JMY: variants seen among roughly 807,000 people sequenced by gnomAD.
JMY encodes the protein junction mediating and regulatory protein, p53 cofactor, also known as junction-mediating and -regulatory protein.
JMY carries 46 observed loss-of-function variants against 103.3 expected under a neutral mutation model. The ratio of observed to expected loss-of-function variants is 0.45; its 90% CI spans 0.35 to 0.57. JMY has a LOEUF of 0.57. JMY is among the 20% of genes least tolerant of loss of function. JMY has a pLI of 0.00. For synonymous variants in JMY, 526 were observed against 489.3 expected (o/e 1.07, Z -0.99); for missense variants, 1,238 against 1,255.2 (o/e 0.99, Z 0.21).
At chr5:79,264,254 T>C (rs1745513322) in intron 1 of JMY, among the ~76,000 whole-genome samples, 1 of 134,304 alleles carries the variant, frequency 7.4e-6, no homozygotes, top group Non-Finnish European at 1.7e-5. Context: ...CCTGGCTAAT[T>C]TTTTGTGTTT....
intron 7 of JMY, among the ~76,000 whole-genome samples, chr5:79,309,417 C>G (rs1476426806): frequency 6.6e-6 from 1 of 152,044 alleles, no homozygotes; most frequent in Admixed American, 6.6e-5. Context: ...CATTAGAAAC[C>G]TTCTCCTACT....
chr5:79,326,994 A>T lies in JMY; in HGVS notation c.*5392A>T, dbSNP rs922730591. On this transcript the variant is annotated 3_prime_UTR_variant, in exon 11 of 11. Coordinates refer to ENST00000396137, the MANE Select transcript of JMY (RefSeq NM_152405.5). ...CATGAAATCTCCAGTAATCGTTTTG[A>T]CTGTTGCCTTTTGCTCTTTAGTGCA... 3 of 152,204 alleles carry T rather than the reference A, an allele frequency of 2.0e-5. No individual in the cohort carries two copies. Among genetic ancestry groups the T allele is most frequent in the Admixed American group, 2.0e-4 (3 of 15,284 alleles). The allele number at this position is 152,204 out of a possible 1,614,324, so 9.4% of individuals were successfully genotyped here.
At chr5:79,270,057 G>T (rs561447720) in intron 1 of JMY, among the ~76,000 whole-genome samples, 1 of 151,958 alleles carries the variant, frequency 6.6e-6, no homozygotes, top group Non-Finnish European at 1.5e-5. Flanking sequence ...GTGTGTGTAC[G>T]TGAGTTCATT....
Position 79,264,645 on chromosome 5 carries a change from T to G in JMY, c.1033-13265T>G, listed in dbSNP as rs373999222. Among the ~76,000 whole-genome samples, 9 of 152,210 alleles carry G rather than the reference T, an allele frequency of 5.9e-5. No individual in the cohort carries two copies. The East Asian group carries it at 9.6e-4, about 16-fold the overall frequency. Reference sequence around the variant, plus strand: ...AAGGCCAACTTTGTTGAATGACCCATGCACTGGAGATAAGACCCTGGCCAA... The same window carrying G: ...AAGGCCAACTTTGTTGAATGACCCAGGCACTGGAGATAAGACCCTGGCCAA... On this transcript the variant is annotated intron_variant, in intron 1 of 10. Transcript: ENST00000396137.
intron 7 of JMY, among the ~76,000 whole-genome samples, chr5:79,312,192 A>C (rs1176446162): frequency 6.6e-6 from 1 of 152,134 alleles, no homozygotes; most frequent in Non-Finnish European, 1.5e-5. Context: ...TTTTACACTA[A>C]AACTGTGTAT....
In JMY at chr5:79,300,767, G is replaced by A. The variant is rs745504604; in HGVS notation, c.1785G>A (p.Gln595=). ...KEEMAASAYL[Q]REELQKLQQK... ...AGATGGCAGCATCTGCGTACTTACA[G>A]AGAGAAGAGCTGCAGAAACTTCAGC... Residue 595 remains glutamine (Q), a synonymous_variant, in exon 6 of 11, where the codon CAG becomes CAA. Coordinates refer to ENST00000396137, the MANE Select transcript of JMY (RefSeq NM_152405.5). 4.3e-6 allele frequency: 7 copies of A among 1,612,638 alleles called. No individual in the cohort carries two copies. The highest frequency in any genetic ancestry group is 5.9e-6 in the Non-Finnish European group (7 of 1,179,512).
At chr5:79,270,366 TATATTTACATAA>T (rs1381974004) in intron 1 of JMY, among the ~76,000 whole-genome samples, 20 of 137,724 alleles carry the variant, frequency 1.5e-4, no homozygotes, top group South Asian at 6.6e-4. Flanking sequence ...ATTTAAAATG[TATATTTACATAA>T]ATATTTACAT....
chr5:79,303,218 A>G (rs1485897840), intron 6 of JMY, among the ~76,000 whole-genome samples: 1 of 152,164 alleles, frequency 6.6e-6, no homozygotes. Context: ...CATACTGAGC[A>G]GGTGATTTTT....
At chr5:79,259,629 G>C (rs1345323602) in intron 1 of JMY, among the ~76,000 whole-genome samples, 3 of 152,230 alleles carry the variant, frequency 2.0e-5, no homozygotes, top group Admixed American at 6.5e-5. Flanking sequence ...GTGCTCATTG[G>C]TGCCCAAAGT....
chr5:79,264,981 G>A (rs1160901480), intron 1 of JMY, among the ~76,000 whole-genome samples: 2 of 152,114 alleles, frequency 1.3e-5, no homozygotes, highest in African/African-American at 4.8e-5. Flanking sequence ...GGAGTGAGTG[G>A]CACGATCTTG....
At chr5:79,287,414 T>A (rs1746299446) in intron 2 of JMY, among the ~76,000 whole-genome samples, 2 of 152,186 alleles carry the variant, frequency 1.3e-5, no homozygotes, top group African/African-American at 4.8e-5. Context: ...GGAACTAGCT[T>A]AAGGTTTTAG....
intron 6 of JMY, among the ~76,000 whole-genome samples, chr5:79,302,987 A>G (rs754292517): frequency 3.9e-5 from 6 of 152,160 alleles, no homozygotes; most frequent in Non-Finnish European, 8.8e-5. Context: ...GCCATTCTCT[A>G]TCAACCCTCT....
rs552509808 is a variant in JMY, at chr5:79,290,258, T to C, written c.1344T>C (p.Ala448=). The change falls in exon 3 of 11, where the codon GCT becomes GCC. Residue 448 remains alanine (A), a synonymous_variant. Coordinates refer to ENST00000396137, the MANE Select transcript of JMY (RefSeq NM_152405.5). The part of the protein sequence containing the change: ...DLTVKYFEIT[A]KAQKAVYDRM... ...CTGTCAAGTACTTTGAAATAACAGCTAAAGCTCAAAAAGGTAGGTTTCTCA... is the reference window on the plus strand; with the variant it reads ...CTGTCAAGTACTTTGAAATAACAGCCAAAGCTCAAAAAGGTAGGTTTCTCA... The C allele has an allele frequency of 6.7e-7, 1 of 1,489,568 alleles. No individual in the cohort carries two copies. The allele number at this position is 1,489,568 out of a possible 1,614,324, so 92.3% of individuals were successfully genotyped here.
chr5:79,256,294 G>A (rs1745240176), intron 1 of JMY, among the ~76,000 whole-genome samples: 1 of 152,160 alleles, frequency 6.6e-6, no homozygotes, highest in Non-Finnish European at 1.5e-5. Context: ...AATGTTGCCT[G>A]GCCTGGGACT....
chr5:79,318,778 AGAGAGAGAGAGAGAGAGAGAGAGAGG>A (rs1389934938), intron 10 of JMY, among the ~76,000 whole-genome samples: 60 of 27,192 alleles, frequency 2.2e-3, no homozygotes, highest in African/African-American at 8.1e-3. Flanking sequence ...AGAGAGAGAG[AGAGAGAGAGAGAGAGAGAGAGAGAGG>A]GATGCATATC....
rs549512297 is a variant in JMY at position 79,309,227 on chromosome 5, C to T, written c.1968+2766C>T. The stretch of plus-strand genomic sequence containing the variant: ...GGGACATCTTTGTCTTGTTCCTGAT[C>T]TTAGCAAGAAAGCTCTAGTTTCTCA... On this transcript the variant is annotated intron_variant, in intron 7 of 10. Coordinates refer to ENST00000396137, the MANE Select transcript of JMY (RefSeq NM_152405.5). Among the ~76,000 whole-genome samples, 262 of 152,092 alleles carry T rather than the reference C, an allele frequency of 1.7e-3. 2 individuals carry two copies. The highest frequency in any genetic ancestry group is 2.3e-3 in the Non-Finnish European group (157 of 67,998).
intron 2 of JMY, chr5:79,285,032 C>A (rs1371735592): frequency 6.2e-6 from 4 of 640,280 alleles, no homozygotes; most frequent in Admixed American, 2.8e-5. Context: ...TCAGAGCCAG[C>A]TGGACTATAC....
intron 10 of JMY, among the ~76,000 whole-genome samples, chr5:79,320,396 G>C (rs1334538093): frequency 6.6e-6 from 1 of 151,676 alleles, no homozygotes; most frequent in Non-Finnish European, 1.5e-5. Flanking sequence ...CTGGAGTGCA[G>C]TGGCGCCGTA....
intron 6 of JMY, among the ~76,000 whole-genome samples, chr5:79,305,736 T>G (rs1746861743): frequency 1.3e-5 from 2 of 152,176 alleles, no homozygotes; most frequent in Admixed American, 6.5e-5. Context: ...GTCTTCCAGG[T>G]CTCTTGCAGC....
Sources: allele counts gnomAD v4.1 joint callset (sites outside exome capture counted in the v4.1 genomes callset), GRCh38; gene constraint gnomAD v4.1.1; transcripts MANE v1.5; gene names NCBI Gene and HGNC (gene_info 2026-07-23, HGNC 2026-07-21).